The following DNAH3 variants were observed in gnomAD, a reference collection of about 807,000 sequenced individuals.
DNAH3 encodes the protein axonemal beta dynein heavy chain 3.
In DNAH3, 332 loss-of-function variants were observed where a neutral mutation model predicts 432.5. That is an observed-to-expected ratio of 0.77 (90% CI 0.70 to 0.84). The LOEUF (loss-of-function observed/expected upper bound fraction) is 0.84, where lower values mean the gene tolerates loss of function less well. DNAH3 is among the 40% of genes least tolerant of loss of function. The pLI, the probability that DNAH3 is intolerant of heterozygous loss-of-function variation, is 0.00. For synonymous variants in DNAH3, 1,956 were observed against 1,900.2 expected (o/e 1.03, Z -0.76); for missense variants, 4,861 against 5,114.0 (o/e 0.95, Z 1.51).
intron 60 of DNAH3, among the ~76,000 whole-genome samples, chr16:20,936,358 G>A (rs973315262): frequency 9.9e-5 from 15 of 152,058 alleles, no homozygotes; most frequent in African/African-American, 3.4e-4. Context: ...GTTTCACCAT[G>A]CTGGCCAGGC....
chr16:20,963,595 G>A (rs1349448126), exon 53 of DNAH3: 1 of 1,613,998 alleles, frequency 6.2e-7, no homozygotes, highest in Non-Finnish European at 8.5e-7. Flanking sequence ...ATGCAGTTTG[G>A]GTAAGGCAGA....
At chr16:21,054,343 C>T in intron 28 of DNAH3, 77 bp downstream of exon 28, 1 of 1,132,618 alleles carries the variant, frequency 8.8e-7, no homozygotes, top group Non-Finnish European at 1.3e-6. Context: ...TTATTCCGTC[C>T]AGGAGAACTG....
intron 56 of DNAH3, among the ~76,000 whole-genome samples, 153 bp from the exon 57 acceptor site, chr16:20,948,790 C>G (rs28578206): frequency 6.6e-6 from 1 of 152,078 alleles, no homozygotes; most frequent in African/African-American, 2.4e-5. Context: ...CAGAAGATGG[C>G]GGGTCCCCTG....
At chr16:21,104,501 C>G (rs1215172818) in exon 16 of DNAH3, 1 of 1,614,014 alleles carries the variant, frequency 6.2e-7, no homozygotes, top group Admixed American at 1.7e-5. Context: ...TGCCTGATCC[C>G]TCTTGTGAAG....
At chr16:21,077,829 C>T (rs116798170) in intron 20 of DNAH3, among the ~76,000 whole-genome samples, 2,581 of 152,282 alleles carry the variant, frequency 0.017, 26 homozygotes, top group Middle Eastern at 0.051. Context: ...AGGAAACCAA[C>T]GCTCAGAGGA....
intron 38 of DNAH3, 142 bp downstream of exon 38, chr16:21,026,885 A>T: frequency 1.7e-6 from 1 of 599,132 alleles, no homozygotes; most frequent in African/African-American, 1.9e-5. Context: ...GGAACCTAAA[A>T]TAAAAATTGG....
intron 9 of DNAH3, among the ~76,000 whole-genome samples, chr16:21,124,041 C>T (rs553296919): frequency 1.1e-4 from 17 of 152,308 alleles, no homozygotes; most frequent in Non-Finnish European, 2.4e-4. Flanking sequence ...ATCTGCCTGC[C>T]TCGGTCTCCC....
chr16:21,097,331 C>T, intron 18 of DNAH3, 24 bp downstream of exon 18: 1 of 1,612,748 alleles, frequency 6.2e-7, no homozygotes, highest in East Asian at 2.2e-5. Flanking sequence ...CCATCTGTCC[C>T]AGCAGAGTGA....
At chr16:20,979,301 T>G (rs748553606) in intron 50 of DNAH3, 29 bp downstream of exon 50, 1 of 1,610,662 alleles carries the variant, frequency 6.2e-7, no homozygotes, top group African/African-American at 1.3e-5. Context: ...CGGGCCTCTT[T>G]GTCTCTGTTC....
chr16:21,133,198 CA>C (rs1424422443), intron 7 of DNAH3, among the ~76,000 whole-genome samples: 2 of 151,580 alleles, frequency 1.3e-5, no homozygotes, highest in East Asian at 3.9e-4. Context: ...TCAAAAAATA[CA>C]AAAAATTAGC....
At chr16:21,005,683 T>C (rs1469216070) in intron 41 of DNAH3, among the ~76,000 whole-genome samples, 1 of 70,854 alleles carries the variant, frequency 1.4e-5, no homozygotes, top group Non-Finnish European at 3.0e-5. Flanking sequence ...CCAGCCTCAT[T>C]TTTTTTTTTT....
intron 12 of DNAH3, among the ~76,000 whole-genome samples, chr16:21,115,700 C>A (rs1257536082): frequency 3.7e-4 from 54 of 144,804 alleles, no homozygotes; most frequent in African/African-American, 1.3e-3. Flanking sequence ...GAGCGAGATG[C>A]CATCTCAAAA....
chr16:20,996,285 AC>A (rs1326607076), intron 44 of DNAH3, among the ~76,000 whole-genome samples: 2 of 152,184 alleles, frequency 1.3e-5, no homozygotes, highest in African/African-American at 4.8e-5. Flanking sequence ...ACATACTGAT[AC>A]GTGTAGATTT....
chr16:21,020,348 G>GTATATATATATATATATATATA (rs58198093), intron 40 of DNAH3, among the ~76,000 whole-genome samples: 12 of 69,132 alleles, frequency 1.7e-4, no homozygotes, highest in South Asian at 6.4e-4. Flanking sequence ...TATAGTGTGT[G>GTATATATATATATATATATATA]TATATATATA....
intron 52 of DNAH3, among the ~76,000 whole-genome samples, chr16:20,969,058 A>G (rs1247413536): frequency 6.7e-6 from 1 of 150,198 alleles, no homozygotes; most frequent in Admixed American, 6.7e-5. Context: ...TGTGCATGCA[A>G]GTCTCTCCCC....
chr16:21,105,269 A>G (rs1327219312), intron 15 of DNAH3, among the ~76,000 whole-genome samples: 1 of 152,206 alleles, frequency 6.6e-6, no homozygotes, highest in African/African-American at 2.4e-5. Context: ...CATTGTGAAC[A>G]CCAAGTAATT....
rs751917183 is a variant in DNAH3 at position 20,935,526 on chromosome 16, A to C, written c.11860-41T>G. The stretch of plus-strand genomic sequence containing the variant: ...AATCAAGATTCAAAATCAACAACAC[A>C]TCAAAGATAGTTCAAATGCAAGTAA... On this transcript the variant is annotated intron_variant, in intron 60 of 61. Coordinates refer to ENST00000261383, the Ensembl canonical transcript of DNAH3. 4 of 1,595,224 alleles carry C rather than the reference A, an allele frequency of 2.5e-6. No homozygotes were observed. In the African/African-American group the frequency reaches 5.4e-5, roughly 22 times the overall value.
chr16:21,094,981 T>G (rs2091637590), intron 18 of DNAH3, among the ~76,000 whole-genome samples: 1 of 152,190 alleles, frequency 6.6e-6, no homozygotes, highest in Non-Finnish European at 1.5e-5. Context: ...CCCATCCAAG[T>G]GGAACTGTGA....
intron 32 of DNAH3, among the ~76,000 whole-genome samples, chr16:21,040,554 T>C (rs1406481872): frequency 6.6e-6 from 1 of 151,516 alleles, no homozygotes; most frequent in Non-Finnish European, 1.5e-5. Flanking sequence ...CTAGTAGAGA[T>C]GGGGTTTCAT....
Sources: allele counts gnomAD v4.1 joint callset (sites outside exome capture counted in the v4.1 genomes callset), GRCh38; gene constraint gnomAD v4.1.1; transcripts MANE v1.5; gene names NCBI Gene and HGNC (gene_info 2026-07-23, HGNC 2026-07-21).